Variants in TASP1 observed in about 807,000 individuals in gnomAD.
TASP1 encodes the protein threonine aspartase 1.
In TASP1, 16 loss-of-function variants were observed where a neutral mutation model predicts 56.6. The observed-to-expected ratio is 0.28, with a 90% CI of 0.19 to 0.43. The LOEUF (loss-of-function observed/expected upper bound fraction) is 0.43, where lower values mean the gene tolerates loss of function less well. Ranked by LOEUF, TASP1 falls within the 20% of genes least tolerant of loss-of-function variation. The pLI, the probability that TASP1 is intolerant of heterozygous loss-of-function variation, is 1.00. For synonymous variants in TASP1, 179 were observed against 184.2 expected (o/e 0.97, Z 0.23); for missense variants, 393 against 511.6 (o/e 0.77, Z 2.24).
At chr20:13,317,937 TG>T in the TASP1 span, among the ~76,000 whole-genome samples, 1 of 151,530 alleles carries the variant, frequency 6.6e-6, no homozygotes. Flanking sequence ...AAAAAAGTGT[TG>T]GTAAGCTGGA....
At chr20:13,465,133 T>G (rs1568836421) in intron 11 of TASP1, among the ~76,000 whole-genome samples, 1 of 138,472 alleles carries the variant, frequency 7.2e-6, no homozygotes, top group Non-Finnish European at 1.5e-5. Context: ...ATGGTGCCAC[T>G]GCATTCCAGC....
chr20:13,437,170 G>C (rs1451860036), intron 11 of TASP1, among the ~76,000 whole-genome samples: 3 of 152,026 alleles, frequency 2.0e-5, no homozygotes, highest in South Asian at 2.1e-4. Flanking sequence ...ATGATCAAGT[G>C]GGCTTCATCC....
chr20:13,158,265 C>G, the TASP1 span, among the ~76,000 whole-genome samples: 2 of 152,280 alleles, frequency 1.3e-5, no homozygotes, highest in Admixed American at 6.5e-5. Context: ...AGTACAAACA[C>G]AGAGGCTCAT....
the TASP1 span, among the ~76,000 whole-genome samples, chr20:13,301,187 G>C: frequency 1.3e-5 from 2 of 151,912 alleles, no homozygotes; most frequent in Admixed American, 6.6e-5. Flanking sequence ...CTTTTTACCA[G>C]TCATTTACAC....
At chr20:13,455,434 CA>C (rs1310064401) in intron 11 of TASP1, among the ~76,000 whole-genome samples, 3 of 151,998 alleles carry the variant, frequency 2.0e-5, no homozygotes, top group Admixed American at 6.6e-5. Flanking sequence ...AAATATAAGA[CA>C]TCAGTTTGAA....
intron 7 of TASP1, among the ~76,000 whole-genome samples, chr20:13,564,214 A>G (rs2046439614): frequency 6.6e-6 from 1 of 152,128 alleles, no homozygotes. Flanking sequence ...ACACAAACCC[A>G]CTAGAACTAA....
chr20:13,597,290 A>G (rs1047037094), intron 4 of TASP1, among the ~76,000 whole-genome samples: 1 of 152,224 alleles, frequency 6.6e-6, no homozygotes, highest in Non-Finnish European at 1.5e-5. Context: ...TCAACAAAAT[A>G]CTGGCAAACC....
chr20:13,234,598 A>G, the TASP1 span, among the ~76,000 whole-genome samples: 2 of 152,340 alleles, frequency 1.3e-5, no homozygotes, highest in East Asian at 1.9e-4. Flanking sequence ...CCTTTTAGCC[A>G]TGTCCTCGCC....
intron 10 of TASP1, among the ~76,000 whole-genome samples, chr20:13,492,055 T>C (rs1189234004): frequency 6.6e-6 from 1 of 152,160 alleles, no homozygotes; most frequent in African/African-American, 2.4e-5. Context: ...GGGGAAAAAG[T>C]GAAGTTGCAT....
chr20:13,610,882 C>T (rs912490410), intron 4 of TASP1, among the ~76,000 whole-genome samples: 3 of 152,136 alleles, frequency 2.0e-5, no homozygotes, highest in Admixed American at 2.0e-4. Context: ...ACTTCATATT[C>T]TCCATGAACC....
intron 2 of TASP1, among the ~76,000 whole-genome samples, chr20:13,629,710 T>C (rs562107402): frequency 4.6e-5 from 7 of 152,186 alleles, no homozygotes; most frequent in African/African-American, 1.7e-4. Flanking sequence ...AAATAATAGG[T>C]TAGGGAAGTG....
intron 8 of TASP1, among the ~76,000 whole-genome samples, chr20:13,552,733 T>C (rs547891799): frequency 1.3e-5 from 2 of 152,328 alleles, no homozygotes; most frequent in African/African-American, 2.4e-5. Flanking sequence ...AAGATGTTCA[T>C]ATGACATCAT....
chr20:13,604,011 C>T (rs1340416317), intron 4 of TASP1, among the ~76,000 whole-genome samples: 1 of 152,060 alleles, frequency 6.6e-6, no homozygotes, highest in Non-Finnish European at 1.5e-5. Context: ...TCTGTTAGGC[C>T]GATTTAGCTA....
the TASP1 span, among the ~76,000 whole-genome samples, chr20:13,347,323 T>G: frequency 6.6e-6 from 1 of 152,196 alleles, no homozygotes; most frequent in Non-Finnish European, 1.5e-5. Context: ...GAATGGCCTA[T>G]TGGTCACATT....
chr20:13,618,560 C>T (rs966868887), intron 4 of TASP1, among the ~76,000 whole-genome samples: 9 of 152,094 alleles, frequency 5.9e-5, no homozygotes, highest in Non-Finnish European at 7.4e-5. Flanking sequence ...AAGGACTTCC[C>T]TAGAGTTTAC....
intron 8 of TASP1, among the ~76,000 whole-genome samples, chr20:13,544,938 C>T (rs1314746682): frequency 6.6e-6 from 1 of 152,126 alleles, no homozygotes. Flanking sequence ...TTGGGATGGG[C>T]CACTTAACTT....
At chr20:13,312,637 G>A in the TASP1 span, among the ~76,000 whole-genome samples, 1 of 152,138 alleles carries the variant, frequency 6.6e-6, no homozygotes, top group Non-Finnish European at 1.5e-5. Flanking sequence ...CTGCCTCTGG[G>A]GCCATGACAG....
chr20:13,558,345 T>A (rs1161037029), intron 8 of TASP1, among the ~76,000 whole-genome samples: 2 of 152,164 alleles, frequency 1.3e-5, no homozygotes. Context: ...AACGCCTGAA[T>A]ACAATATGTA....
At chr20:13,618,988 C>A (rs929207526) in intron 4 of TASP1, among the ~76,000 whole-genome samples, 145 of 152,168 alleles carry the variant, frequency 9.5e-4, no homozygotes, top group African/African-American at 3.4e-3. Context: ...AATTCTCCTG[C>A]CTCAGCCTCC....
Sources: gnomAD v4.1 joint callset for allele counts (sites outside exome capture counted in the v4.1 genomes callset) on GRCh38, gnomAD v4.1.1 for gene constraint, MANE v1.5 for transcripts, NCBI Gene and HGNC (gene_info 2026-07-23, HGNC 2026-07-21) for gene names.